INPP4A: variants seen among roughly 807,000 people sequenced by gnomAD.
INPP4A encodes inositol polyphosphate-4-phosphatase, type I, 107kD.
In INPP4A, 33 loss-of-function variants were observed where a neutral mutation model predicts 119.8. That is an observed-to-expected ratio of 0.28 (90% confidence interval 0.21 to 0.37). INPP4A has a LOEUF of 0.37. INPP4A is among the 10% of genes least tolerant of loss of function. The pLI is 1.00. For missense variants in INPP4A, 956 were observed against 1,289.9 expected (o/e 0.74, Z 3.97); for synonymous variants, 496 against 500.7 (o/e 0.99, Z 0.12).
intron 24 of INPP4A, among the ~76,000 whole-genome samples, chr2:98,580,099 C>G (rs957239677): frequency 6.6e-6 from 1 of 152,268 alleles, no homozygotes. Context: ...GCTAGCAGCT[C>G]TGGCTGCTGG....
intron 1 of INPP4A, among the ~76,000 whole-genome samples, chr2:98,450,546 A>G (rs1197740441): frequency 1.3e-5 from 2 of 152,196 alleles, no homozygotes; most frequent in Admixed American, 1.3e-4. Context: ...AAGTGGCTTA[A>G]TCTTTCTGTG....
At chr2:98,575,921 T>G (rs1170937173) in intron 23 of INPP4A, among the ~76,000 whole-genome samples, 1 of 152,220 alleles carries the variant, frequency 6.6e-6, no homozygotes, top group Non-Finnish European at 1.5e-5. Context: ...GCACAGGTTT[T>G]CAGATTTTAG....
rs1697020931 is a variant in INPP4A at position 98,569,267 on chromosome 2, CCT to C, written c.2518+600_2518+601del. The C allele has an allele frequency of 1.3e-5, 2 of 152,562 alleles. No homozygotes were observed. Among genetic ancestry groups the C allele is most frequent in the South Asian group, 4.1e-4 (2 of 4,848 alleles). 9.5% of individuals were successfully genotyped at this position (152,562 alleles called of 1,614,324 possible). Reference sequence around the variant, plus strand: ...CTTGAGTTCAACCCAGTGAATATTCCCTGAGGACCTGCTGTGTGTAAAGTGCT... The same window carrying C: ...CTTGAGTTCAACCCAGTGAATATTCCGAGGACCTGCTGTGTGTAAAGTGCT... On this transcript the variant is annotated intron_variant, in intron 22 of 24. Transcript: ENST00000409851. The surrounding 1 kb of genome is among the most constrained non-coding windows in gnomAD (Gnocchi z 5.1).
In INPP4A at chr2:98,546,705, A is replaced by G. The variant is rs1423674699; in HGVS notation, c.1163+11A>G. The G allele has an allele frequency of 1.3e-6, 2 of 1,526,444 alleles. No individual in the cohort carries two copies. The highest frequency in any genetic ancestry group is 3.3e-5 in the Admixed American group (2 of 59,886). The allele number at this position is 1,526,444 out of a possible 1,614,324, so 94.6% of individuals were successfully genotyped here. On this transcript the variant is annotated intron_variant, in intron 13 of 24. Transcript: ENST00000409851. The surrounding 1 kb of genome is among the most constrained non-coding windows in gnomAD (Gnocchi z 4.2). ...AGAGACCAAGAAACAGTAAGTAGCCAGAGAGGGTTTGTGGTCCTTGTACAG... is the reference window on the plus strand; with the variant it reads ...AGAGACCAAGAAACAGTAAGTAGCCGGAGAGGGTTTGTGGTCCTTGTACAG...
intron 13 of INPP4A, among the ~76,000 whole-genome samples, chr2:98,550,841 A>T (rs1693376343): frequency 6.6e-6 from 1 of 152,172 alleles, no homozygotes. Flanking sequence ...GCCTGGGCAG[A>T]GGGTATGTAT....
intron 1 of INPP4A, among the ~76,000 whole-genome samples, chr2:98,480,738 C>T (rs923757970): frequency 1.4e-4 from 22 of 152,212 alleles, no homozygotes; most frequent in Non-Finnish European, 1.2e-4. Context: ...AGAATGTGCC[C>T]GTCTCCAGTC....
intron 13 of INPP4A, among the ~76,000 whole-genome samples, chr2:98,547,289 C>G (rs1692649964): frequency 6.6e-6 from 1 of 152,184 alleles, no homozygotes; most frequent in Non-Finnish European, 1.5e-5. Flanking sequence ...GTTACAGCCC[C>G]CAGCAGATCT....
chr2:98,586,749 G>T (rs1700000148), intron 24 of INPP4A, among the ~76,000 whole-genome samples: 1 of 152,210 alleles, frequency 6.6e-6, no homozygotes, highest in African/African-American at 2.4e-5. Flanking sequence ...GCACCTGTGG[G>T]CTCTCACTGG....
chr2:98,538,103 A>G, intron 8 of INPP4A, 129 bp downstream of exon 8: 1 of 639,362 alleles, frequency 1.6e-6, no homozygotes, highest in South Asian at 1.9e-5. Context: ...GCTGCTCCCC[A>G]CGGACACTCC....
At position 98,594,021 on chromosome 2, in the gene INPP4A, C is replaced by T. The variant is rs186965170; in HGVS notation, c.*6413C>T. The stretch of plus-strand genomic sequence containing the variant: ...GTATTCACAAGAGCAAGTGTAATGC[C>T]CGCTGTGAAGGAGCTAAAGTTTGTT... On this transcript the variant is annotated 3_prime_UTR_variant, in exon 25 of 25. Coordinates refer to ENST00000409851, the MANE Select transcript of INPP4A (RefSeq NM_001134225.2). 6.6e-6 allele frequency: 1 copy of T among 152,314 alleles called. No homozygotes were observed. Among genetic ancestry groups the T allele is most frequent in the Admixed American group, 6.5e-5 (1 of 15,288 alleles). 9.4% of individuals were successfully genotyped at this position (152,314 alleles called of 1,614,324 possible). A position where few individuals can be genotyped will look rare whatever the true frequency, so the allele number is the denominator to read the frequency against.
At chr2:98,528,511 A>G (rs1253847222) in intron 4 of INPP4A, among the ~76,000 whole-genome samples, 1 of 152,212 alleles carries the variant, frequency 6.6e-6, no homozygotes, top group Non-Finnish European at 1.5e-5. Context: ...ATGACCAAAA[A>G]CATCCCATGT....
chr2:98,459,597 G>A (rs969126411), intron 1 of INPP4A, among the ~76,000 whole-genome samples: 9 of 152,204 alleles, frequency 5.9e-5, no homozygotes, highest in Non-Finnish European at 1.0e-4. Flanking sequence ...CATTCACAGT[G>A]TGAAGATTGC....
chr2:98,505,746 G>A (rs1683921045), intron 1 of INPP4A, among the ~76,000 whole-genome samples: 1 of 152,200 alleles, frequency 6.6e-6, no homozygotes, highest in East Asian at 1.9e-4. Flanking sequence ...TGATTCAGCA[G>A]GAGGGTGCAT....
intron 1 of INPP4A, among the ~76,000 whole-genome samples, chr2:98,484,193 ACT>A (rs1258389030): frequency 2.6e-5 from 4 of 151,350 alleles, no homozygotes; most frequent in African/African-American, 7.3e-5. Context: ...CCTTCTGATG[ACT>A]CTGTCTGCAG....
At chr2:98,532,452 A>G (rs1310673146) in intron 4 of INPP4A, among the ~76,000 whole-genome samples, 2 of 152,186 alleles carry the variant, frequency 1.3e-5, no homozygotes, top group Non-Finnish European at 2.9e-5. Context: ...ACCATTTTTA[A>G]GTATACAGTT....
chr2:98,461,473 T>A (rs1459928976), intron 1 of INPP4A, among the ~76,000 whole-genome samples: 1 of 152,272 alleles, frequency 6.6e-6, no homozygotes, highest in Admixed American at 6.5e-5. Flanking sequence ...TGTGCACTAA[T>A]GTCTCTTGGA....
intron 23 of INPP4A, among the ~76,000 whole-genome samples, chr2:98,573,769 A>G (rs1190864118): frequency 6.6e-6 from 1 of 152,156 alleles, no homozygotes; most frequent in Non-Finnish European, 1.5e-5. Flanking sequence ...CTCATGGTGC[A>G]TGGCCGCCAC....
Position 98,546,196 on chromosome 2 carries a change from G to T in INPP4A, c.1054+123G>T, listed in dbSNP as rs1236343101. ...TGTGCTCTGGGCGGCTCGGAGGAGA[G>T]ATTTGTCACAAGGACCTTCAAAAGG... On this transcript the variant is annotated intron_variant, in intron 12 of 24. Transcript: ENST00000409851. The surrounding 1 kb of genome is among the most constrained non-coding windows in gnomAD (Gnocchi z 4.2). 16 of 660,546 alleles carry T rather than the reference G, an allele frequency of 2.4e-5. No individual in the cohort carries two copies. The Admixed American group carries it at 3.3e-4, about 14-fold the overall frequency. The allele number at this position is 660,546 out of a possible 1,614,324, so 40.9% of individuals were successfully genotyped here. A position where few individuals can be genotyped will look rare whatever the true frequency, so the allele number is the denominator to read the frequency against.
At chr2:98,465,417 A>G (rs933651042) in intron 1 of INPP4A, among the ~76,000 whole-genome samples, 1 of 152,222 alleles carries the variant, frequency 6.6e-6, no homozygotes, top group Non-Finnish European at 1.5e-5. Flanking sequence ...GGGGCCTACC[A>G]GTGTAATCTA....
Sources: gnomAD v4.1 joint callset for allele counts (sites outside exome capture counted in the v4.1 genomes callset) on GRCh38, gnomAD v4.1.1 for gene constraint, Gnocchi (gnomAD v3.1) non-coding constraint, MANE v1.5 for transcripts, NCBI Gene and HGNC (gene_info 2026-07-23, HGNC 2026-07-21) for gene names.